Variants in SNX4 observed in about 807,000 individuals in gnomAD.
The protein encoded by SNX4 is sorting nexin-4.
A neutral mutation model predicts 70.8 loss-of-function variants in SNX4; 49 were observed. The observed-to-expected ratio is 0.69, with a 90% CI of 0.55 to 0.88. The LOEUF (loss-of-function observed/expected upper bound fraction) is 0.88. Among genes scored for constraint, SNX4 ranks in the 40% least tolerant of loss-of-function variants. SNX4 has a pLI of 0.00. For synonymous variants in SNX4, 206 were observed against 183.8 expected, an observed-to-expected ratio of 1.12 and a Z score of -0.98; for missense variants, 528 against 544.8, an observed-to-expected ratio of 0.97 and a Z score of 0.31.
intron 6 of SNX4, among the ~76,000 whole-genome samples, chr3:125,487,027 T>C (rs1934547734): frequency 6.6e-6 from 1 of 152,166 alleles, no homozygotes; most frequent in Non-Finnish European, 1.5e-5. Flanking sequence ...ACAGTCTAGT[T>C]TGAGGAAAGA....
intron 1 of SNX4, among the ~76,000 whole-genome samples, chr3:125,508,729 T>C (rs1935103013): frequency 6.6e-6 from 1 of 152,076 alleles, no homozygotes; most frequent in Non-Finnish European, 1.5e-5. Context: ...CCCTCGAATA[T>C]ATGGTCAAAC....
At chr3:125,508,218 A>G (rs1172846090) in intron 1 of SNX4, among the ~76,000 whole-genome samples, 4 of 152,204 alleles carry the variant, frequency 2.6e-5, no homozygotes, top group Non-Finnish European at 5.9e-5. Flanking sequence ...AGGAAAACTC[A>G]TCCTAAGAGT....
chr3:125,459,828 A>G (rs1260522985), intron 10 of SNX4, among the ~76,000 whole-genome samples: 1 of 151,530 alleles, frequency 6.6e-6, no homozygotes, highest in Non-Finnish European at 1.5e-5. Flanking sequence ...CAATGTGCAG[A>G]TGATTTCACA....
At chr3:125,465,175 C>G (rs1933980821) in intron 9 of SNX4, among the ~76,000 whole-genome samples, 1 of 152,126 alleles carries the variant, frequency 6.6e-6, no homozygotes, top group Admixed American at 6.6e-5. Context: ...GCCACTGTAC[C>G]TGGTCAATCT....
chr3:125,463,544 A>G (rs1201065101), intron 9 of SNX4, among the ~76,000 whole-genome samples: 1 of 152,250 alleles, frequency 6.6e-6, no homozygotes, highest in Non-Finnish European at 1.5e-5. Flanking sequence ...TCAAGAGACC[A>G]CAGGACAACT....
intron 10 of SNX4, among the ~76,000 whole-genome samples, chr3:125,460,459 G>C (rs1404529849): frequency 5.3e-5 from 8 of 152,196 alleles, no homozygotes; most frequent in Non-Finnish European, 1.2e-4. Flanking sequence ...CATAGTAACA[G>C]ATACTGTTAC....
intron 6 of SNX4, among the ~76,000 whole-genome samples, chr3:125,487,192 T>A (rs1018696600): frequency 5.3e-5 from 8 of 152,148 alleles, no homozygotes; most frequent in African/African-American, 1.7e-4. Flanking sequence ...CTAGAAGAGA[T>A]TCTACATATT....
At position 125,452,921 on chromosome 3, in the gene SNX4, T is replaced by C. The variant is rs551549775; in HGVS notation, c.1190+889A>G. Among the ~76,000 whole-genome samples the C allele has an allele frequency of 7.2e-5, 11 of 152,240 alleles. No individual in the cohort carries two copies. In the South Asian group the frequency reaches 2.3e-3, roughly 32 times the overall value. ...CATGAGCTACCGCGCCCGGCCTGTCTTTTTTAATTCTATCTATTACTTTGC... is the reference window on the plus strand; with the variant it reads ...CATGAGCTACCGCGCCCGGCCTGTCCTTTTTAATTCTATCTATTACTTTGC... On this transcript the variant is annotated intron_variant, in intron 12 of 13. Transcript: ENST00000251775.
chr3:125,465,521 T>C (rs909137795), intron 9 of SNX4, among the ~76,000 whole-genome samples: 4 of 152,192 alleles, frequency 2.6e-5, no homozygotes, highest in Non-Finnish European at 5.9e-5. Flanking sequence ...AGTGCTGGGA[T>C]TACAGGTGTG....
At chr3:125,509,891 A>G (rs1030866182) in intron 1 of SNX4, among the ~76,000 whole-genome samples, 3 of 152,206 alleles carry the variant, frequency 2.0e-5, no homozygotes, top group Admixed American at 6.5e-5. Context: ...ATGCAAATCA[A>G]AACTACAATG....
At chr3:125,494,093 T>C (rs1461257593) in intron 5 of SNX4, among the ~76,000 whole-genome samples, 3 of 151,414 alleles carry the variant, frequency 2.0e-5, no homozygotes, top group Non-Finnish European at 4.4e-5. Context: ...ACAAAATATG[T>C]CTGAGAAAAG....
At chr3:125,485,038 G>A (rs1431431428) in intron 6 of SNX4, among the ~76,000 whole-genome samples, 1 of 151,972 alleles carries the variant, frequency 6.6e-6, no homozygotes, top group Non-Finnish European at 1.5e-5. Flanking sequence ...CTGCACTCCA[G>A]CTTGGCGAGA....
chr3:125,474,231 G>A (rs551066311), intron 8 of SNX4, among the ~76,000 whole-genome samples: 2 of 152,282 alleles, frequency 1.3e-5, no homozygotes, highest in East Asian at 3.9e-4. Flanking sequence ...GGCAACTGCT[G>A]TAGTTCAGGT....
chr3:125,447,855 G>GT (rs767261001), intron 13 of SNX4, 29 bp from the exon 14 acceptor site: 5 of 1,489,658 alleles, frequency 3.4e-6, no homozygotes, highest in Non-Finnish European at 4.6e-6. Context: ...ACTTTAAAAT[G>GT]TGAGTTTGGA....
chr3:125,449,912 G>A (rs1933532726), intron 13 of SNX4, among the ~76,000 whole-genome samples: 1 of 152,116 alleles, frequency 6.6e-6, no homozygotes. Flanking sequence ...TTGTTATCTG[G>A]TCTTTCAGAT....
intron 9 of SNX4, among the ~76,000 whole-genome samples, chr3:125,462,609 A>G (rs1933912009): frequency 6.6e-6 from 1 of 151,034 alleles, no homozygotes; most frequent in African/African-American, 2.4e-5. Flanking sequence ...AAAAAAAAAA[A>G]AAAAAAAGAG....
rs374207034 is a variant in SNX4 at position 125,497,881 on chromosome 3, G to A, written c.502C>T (p.His168Tyr). 28 of 1,613,888 alleles carry A rather than the reference G, an allele frequency of 1.7e-5. No homozygotes were observed. Among genetic ancestry groups the A allele is most frequent in the Non-Finnish European group, 2.3e-5 (27 of 1,179,884 alleles). The change falls in exon 4 of 14, where the codon CAT becomes TAT. Residue 168 changes from histidine (H) to tyrosine (Y), a missense_variant. His to Tyr is a moderately conservative substitution (Grantham distance 83). This residue lies in a region of SNX4 where 341 missense variants were observed against 312.2 expected (regional missense o/e 1.09). Coordinates refer to ENST00000251775, the MANE Select transcript of SNX4 (RefSeq NM_003794.4). ...LENFLLRIAS[H>Y]PILCRDKIFY... is the part of the protein sequence containing the mutation. The stretch of plus-strand genomic sequence containing the variant: ...ATTTTGTCTCTACAAAGGATGGGAT[G>A]TGAAGCAATCCTCAAGAGAAAGTTT...
intron 6 of SNX4, among the ~76,000 whole-genome samples, chr3:125,487,857 C>G (rs1217421873): frequency 6.6e-6 from 1 of 151,704 alleles, no homozygotes; most frequent in Non-Finnish European, 1.5e-5. Flanking sequence ...ATTTTTAGGA[C>G]AGTAATACTA....
chr3:125,484,127 A>G (rs906318739), intron 6 of SNX4, among the ~76,000 whole-genome samples: 2 of 152,130 alleles, frequency 1.3e-5, no homozygotes, highest in Non-Finnish European at 2.9e-5. Context: ...GTAAATGCAG[A>G]CTCTGATAAG....
Sources: allele counts gnomAD v4.1 joint callset (sites outside exome capture counted in the v4.1 genomes callset), GRCh38; gene constraint gnomAD v4.1.1; regional missense constraint gnomAD v4.1.1; transcripts MANE v1.5; gene names NCBI Gene and HGNC (gene_info 2026-07-23, HGNC 2026-07-21).